The following BMP2K variants were observed in gnomAD, a reference collection of about 807,000 sequenced individuals.
BMP2K encodes the protein BMP2 inducible kinase.
Under a neutral mutation model 116.0 loss-of-function variants are expected in BMP2K, and 74 were observed. The observed-to-expected ratio is 0.64, with a 90% CI of 0.53 to 0.77. BMP2K has a LOEUF of 0.77. BMP2K is among the 30% of genes least tolerant of loss of function. The probability of loss-of-function intolerance (pLI) is 0.00; values close to 1 mark genes in which losing one functional copy is unlikely to be tolerated. For synonymous variants in BMP2K, 486 were observed against 502.5 expected (o/e 0.97, Z 0.44); for missense variants, 1,365 against 1,403.6 (o/e 0.97, Z 0.44).
At chr4:78,847,454 A>G (rs1731063937) in intron 6 of BMP2K, among the ~76,000 whole-genome samples, 185 bp downstream of exon 6, 1 of 151,728 alleles carries the variant, frequency 6.6e-6, no homozygotes, top group South Asian at 2.1e-4. Flanking sequence ...CCTGAGATGG[A>G]AAGCTTATGT....
In BMP2K at chr4:78,861,968, T is replaced by G. The variant is rs561035561; in HGVS notation, c.1067+500T>G. Among the ~76,000 whole-genome samples the G allele has an allele frequency of 2.6e-5, 4 of 152,100 alleles. No homozygotes were observed. The East Asian group carries it at 7.7e-4, about 29-fold the overall frequency. On this transcript the variant is annotated intron_variant, in intron 9 of 15. Coordinates refer to ENST00000502613, the MANE Select transcript of BMP2K (RefSeq NM_198892.2). ...TTCAGAGTATTTATTATATTAATAA[T>G]AAGTTTGAACTATATTATGTAAGTT...
intron 2 of BMP2K, among the ~76,000 whole-genome samples, chr4:78,829,252 T>A (rs547339512): frequency 2.2e-4 from 33 of 152,316 alleles, no homozygotes; most frequent in African/African-American, 6.5e-4. Context: ...CTTAAATCCT[T>A]TGTTATTATT....
intron 1 of BMP2K, among the ~76,000 whole-genome samples, chr4:78,796,391 TG>T (rs1349556296): frequency 3.1e-5 from 1 of 32,546 alleles, no homozygotes; most frequent in Non-Finnish European, 5.4e-5. Flanking sequence ...TGTTGGGGGG[TG>T]GGGGGAGGGG....
intron 7 of BMP2K, among the ~76,000 whole-genome samples, chr4:78,851,579 C>T (rs1731253454): frequency 2.0e-5 from 3 of 152,034 alleles, no homozygotes; most frequent in Admixed American, 6.6e-5. Context: ...GCTTTGTTTT[C>T]TGCATTCAAG....
chr4:78,781,090 G>C (rs760369282), intron 1 of BMP2K, among the ~76,000 whole-genome samples: 3 of 152,204 alleles, frequency 2.0e-5, no homozygotes, highest in African/African-American at 7.2e-5. Context: ...TGAATCACAT[G>C]TAAGAGAGAT....
chr4:78,871,861 A>C lies in BMP2K; in HGVS notation c.1521A>C (p.Ala507=). Residue 507 remains alanine, a synonymous_variant, in exon 12 of 16, where the codon GCA becomes GCC. Coordinates refer to ENST00000502613, the MANE Select transcript of BMP2K (RefSeq NM_198892.2). ...QDAYMQQYQH[A]TQQQQMLQQQ... ...TTTTCTCGTTGTAGTATCAACATGC[A>C]ACACAGCAGCAACAGATGCTTCAAC... is the stretch of plus-strand genomic sequence containing the variant. 1 of 1,611,780 alleles carries C rather than the reference A, an allele frequency of 6.2e-7. No individual in the cohort carries two copies. The highest frequency in any genetic ancestry group is 8.5e-7 in the Non-Finnish European group (1 of 1,178,884).
intron 5 of BMP2K, 122 bp from the exon 6 acceptor site, chr4:78,847,066 A>G (rs539641007): frequency 1.5e-5 from 6 of 407,872 alleles, no homozygotes; most frequent in Admixed American, 4.5e-5. Context: ...GTATTACTCT[A>G]TATAATGTTA....
At chr4:78,865,804 C>A in intron 10 of BMP2K, 84 bp downstream of exon 10, 3 of 1,372,272 alleles carry the variant, frequency 2.2e-6, no homozygotes, top group Non-Finnish European at 3.0e-6. Flanking sequence ...CTCAGGTGAT[C>A]CTTAATATTG....
At position 78,776,692 on chromosome 4, in the gene BMP2K, A is replaced by C. The variant is rs759647822; in HGVS notation, c.149A>C (p.Gln50Pro). 46 of 1,257,476 alleles carry C rather than the reference A, an allele frequency of 3.7e-5. No individual in the cohort carries two copies. Among genetic ancestry groups the C allele is most frequent in the Admixed American group, 1.6e-4 (4 of 25,150 alleles). 77.9% of individuals were successfully genotyped at this position (1,257,476 alleles called of 1,614,324 possible). ...CGGGTGTTCGCGGTCGGCCGCCACC[A>C]GGTCACCCTGGAAGAGTCGCTGGCC... Reference protein sequence around the residue: ...GVRVFAVGRHQVTLEESLAEG... With the variant: ...GVRVFAVGRHPVTLEESLAEG... Residue 50 changes from glutamine (Q) to proline (P), a missense_variant, in exon 1 of 16, where the codon CAG becomes CCG. Physicochemically the swap from Gln to Pro is moderately conservative, Grantham distance 76. Around this residue, in one of 3 missense-constraint regions of BMP2K, gnomAD observed 762 missense variants for 756.7 expected, o/e 1.01. Coordinates refer to ENST00000502613, the MANE Select transcript of BMP2K (RefSeq NM_198892.2).
At chr4:78,778,323 A>G (rs949405536) in intron 1 of BMP2K, among the ~76,000 whole-genome samples, 1 of 152,204 alleles carries the variant, frequency 6.6e-6, no homozygotes, top group Non-Finnish European at 1.5e-5. Flanking sequence ...TTTCAATAAA[A>G]AAATAATTTT....
chr4:78,792,639 C>T (rs1422163011), intron 1 of BMP2K, among the ~76,000 whole-genome samples: 1 of 151,930 alleles, frequency 6.6e-6, no homozygotes, highest in Non-Finnish European at 1.5e-5. Flanking sequence ...TCTGAGGAGA[C>T]AGGTGATAAT....
At chr4:78,888,495 A>C (rs548978775) in intron 15 of BMP2K, among the ~76,000 whole-genome samples, 1 of 152,220 alleles carries the variant, frequency 6.6e-6, no homozygotes, top group Non-Finnish European at 1.5e-5. Flanking sequence ...GCTCTTTTAC[A>C]TCCTCTGTTA....
intron 1 of BMP2K, among the ~76,000 whole-genome samples, chr4:78,812,567 A>G (rs1170007088): frequency 1.3e-5 from 2 of 152,170 alleles, no homozygotes; most frequent in Non-Finnish European, 2.9e-5. Context: ...ATTTTACCCT[A>G]CTAAGTCTCC....
At chr4:78,895,131 C>G (rs1200853032) in intron 15 of BMP2K, among the ~76,000 whole-genome samples, 1 of 152,010 alleles carries the variant, frequency 6.6e-6, no homozygotes, top group African/African-American at 2.4e-5. Flanking sequence ...GTAAGAATTA[C>G]CAGAATGTGA....
intron 13 of BMP2K, among the ~76,000 whole-genome samples, chr4:78,877,912 G>A (rs184966292): frequency 1.3e-5 from 2 of 152,220 alleles, no homozygotes; most frequent in East Asian, 3.9e-4. Context: ...CATATGTATG[G>A]TCCATTGGTG....
At chr4:78,857,005 G>A (rs1731536697) in intron 7 of BMP2K, among the ~76,000 whole-genome samples, 2 of 152,070 alleles carry the variant, frequency 1.3e-5, no homozygotes, top group African/African-American at 2.4e-5. Flanking sequence ...AGTAGATAGC[G>A]ATCGTGGCAC....
At position 78,776,507 on chromosome 4, in the gene BMP2K, G is replaced by C. The variant is rs1261197143; in HGVS notation, c.-37G>C. 27 of 1,129,712 alleles carry C rather than the reference G, an allele frequency of 2.4e-5. No individual in the cohort carries two copies. The highest frequency in any genetic ancestry group is 2.8e-5 in the Non-Finnish European group (26 of 920,646). The allele number at this position is 1,129,712 out of a possible 1,614,324, so 70.0% of individuals were successfully genotyped here. A position where few individuals can be genotyped will look rare whatever the true frequency, so the allele number is the denominator to read the frequency against. Reference sequence around the variant, plus strand: ...CGCGCCGGGCCGGGGACTTGCCCTTGCACGCTCCCTGCGCCCTCCAGCTCG... The same window carrying C: ...CGCGCCGGGCCGGGGACTTGCCCTTCCACGCTCCCTGCGCCCTCCAGCTCG... On this transcript the variant is annotated 5_prime_UTR_variant, in exon 1 of 16. Transcript: ENST00000502613.
Position 78,872,695 on chromosome 4 carries a change from TA to T in BMP2K, c.1691del (p.Tyr564PhefsTer12). 6.2e-7 allele frequency: 1 copy of T among 1,614,146 alleles called. No individual in the cohort carries two copies. The highest frequency in any genetic ancestry group is 2.2e-5 in the East Asian group (1 of 44,878). ...QPSQQQASPE[Y>X]LTSPQEFSPA... Reference sequence around the variant, plus strand: ...GTCTCAACAACAGGCATCACCTGAATATCTTACCTCCCCTCAAGAGTTCTCA... The same window carrying T: ...GTCTCAACAACAGGCATCACCTGAATTCTTACCTCCCCTCAAGAGTTCTCA... On this transcript the variant is annotated frameshift_variant, in exon 13 of 16. Transcript: ENST00000502613. LOFTEE classifies it high-confidence loss of function.
At chr4:78,850,898 G>A (rs200371464) in intron 6 of BMP2K, 26 bp from the exon 7 acceptor site, 2 of 1,605,686 alleles carry the variant, frequency 1.2e-6, no homozygotes, top group Middle Eastern at 1.7e-4. Flanking sequence ...GAGCTCTAAT[G>A]ATATTTATGC....
Sources: gnomAD v4.1 joint callset for allele counts (sites outside exome capture counted in the v4.1 genomes callset) on GRCh38, gnomAD v4.1.1 for gene constraint, gnomAD v4.1.1 regional missense constraint, MANE v1.5 for transcripts, NCBI Gene and HGNC (gene_info 2026-07-23, HGNC 2026-07-21) for gene names.